The following SCN4A variants were observed in gnomAD, a reference collection of about 807,000 sequenced individuals.
The protein encoded by SCN4A is sodium voltage-gated channel alpha subunit 4.
In SCN4A, 83 loss-of-function variants were observed where a neutral mutation model predicts 162.0. That is an observed-to-expected ratio of 0.51 (90% confidence interval 0.43 to 0.61). The LOEUF is 0.61. Ranked by LOEUF, SCN4A falls within the 20% of genes least tolerant of loss-of-function variation. The probability of loss-of-function intolerance (pLI) is 0.00; values close to 1 mark genes in which losing one functional copy is unlikely to be tolerated. For missense variants in SCN4A, 2,196 were observed against 2,462.5 expected (o/e 0.89, Z 2.29); for synonymous variants, 944 against 985.1 (o/e 0.96, Z 0.78).
intron 12 of SCN4A, among the ~76,000 whole-genome samples, chr17:63,957,861 C>T (rs1439606970): frequency 2.6e-5 from 4 of 151,898 alleles, no homozygotes; most frequent in South Asian, 4.2e-4. Flanking sequence ...AAAAATTAGT[C>T]GGGCATGGTG....
Position 63,945,761 on chromosome 17 carries a change from G to C in SCN4A, c.3442-123C>G. The C allele has an allele frequency of 9.6e-7, 1 of 1,042,618 alleles. No homozygotes were observed. Among genetic ancestry groups the C allele is most frequent in the Non-Finnish European group, 1.4e-6 (1 of 694,946 alleles). 64.6% of individuals were successfully genotyped at this position (1,042,618 alleles called of 1,614,324 possible). ...TGTCAATTAGGGAGGGCTTCCTAGA[G>C]GAGGGCCGACCTGCTGGGCTGTGTG... On this transcript the variant is annotated intron_variant, in intron 18 of 23. Transcript: ENST00000435607. This position sits in a 1 kb window ranked among gnomAD's most constrained non-coding sequence, Gnocchi z 4.4.
rs79918078 is a variant in SCN4A at position 63,951,656 on chromosome 17, G to C, written c.2621C>G (p.Ala874Gly). 4 of 1,598,212 alleles carry C rather than the reference G, an allele frequency of 2.5e-6. No homozygotes were observed. In the African/African-American group the frequency reaches 5.4e-5, roughly 21 times the overall value. Residue 874 changes from alanine (A) to glycine (G), a missense_variant, in exon 14 of 24, where the codon GCC becomes GGC. Transcript: ENST00000435607. This position sits in a 1 kb window ranked among gnomAD's most constrained non-coding sequence, Gnocchi z 4.5. ...AGEAGEAGET[A>G]PEDEKKEPPE... ...CGGCTCCTTCTTCTCATCCTCGGGG[G>C]CAGTCTCCCCCGCCTCTCCAGCCTC...
chr17:63,971,139 G>A (rs1305509301), intron 5 of SCN4A, 23 bp downstream of exon 5: 12 of 1,501,844 alleles, frequency 8.0e-6, no homozygotes, highest in South Asian at 4.8e-5. Context: ...CTCAGGCAGA[G>A]GGTCCCTGCA....
chr17:63,971,793 G>A lies in SCN4A; in HGVS notation c.540C>T (p.Gly180=), dbSNP rs769199805. ...GGAATGTGAAGTCGTCGACACAGAA[G>A]CCTCGGGCCAGTATCTTGATGAGGG... ...FESLIKILAR[G]FCVDDFTFLR... The change falls in exon 4 of 24, where the codon GGC becomes GGT. Residue 180 remains glycine (G), a synonymous_variant. Coordinates refer to ENST00000435607, the MANE Select transcript of SCN4A (RefSeq NM_000334.4). The A allele has an allele frequency of 6.2e-7, 1 of 1,613,502 alleles. No individual in the cohort carries two copies. The highest frequency in any genetic ancestry group is 1.7e-5 in the Admixed American group (1 of 59,944).
intron 13 of SCN4A, among the ~76,000 whole-genome samples, chr17:63,954,134 C>T (rs188083256): frequency 1.5e-4 from 23 of 152,180 alleles, no homozygotes; most frequent in African/African-American, 2.2e-4. Context: ...GTCTCCTCGG[C>T]GGGTCTCACT....
chr17:63,959,521 G>T, intron 11 of SCN4A, 83 bp from the exon 12 acceptor site: 1 of 1,352,322 alleles, frequency 7.4e-7, no homozygotes, highest in Non-Finnish European at 1.0e-6. Flanking sequence ...CCACCTCCTG[G>T]CAGAGGCTGC....
intron 12 of SCN4A, among the ~76,000 whole-genome samples, chr17:63,958,761 C>T (rs1433970871): frequency 6.6e-6 from 1 of 152,256 alleles, no homozygotes. Flanking sequence ...CCATGTTGGC[C>T]AGGCTGGTCT....
chr17:63,966,350 A>C, intron 7 of SCN4A, 107 bp from the exon 8 acceptor site: 3 of 1,426,392 alleles, frequency 2.1e-6, no homozygotes, highest in Non-Finnish European at 2.9e-6. Context: ...GTGTCCCCCA[A>C]ACAGAAAAGT....
chr17:63,963,950 A>C, intron 9 of SCN4A, 125 bp from the exon 10 acceptor site: 5 of 980,578 alleles, frequency 5.1e-6, no homozygotes, highest in Non-Finnish European at 7.3e-6. Flanking sequence ...CCTGTGTCAA[A>C]CTTAGTGCAG....
chr17:63,944,804 C>T lies in SCN4A; in HGVS notation c.3781G>A (p.Glu1261Lys). 2 of 1,613,628 alleles carry T rather than the reference C, an allele frequency of 1.2e-6. No individual in the cohort carries two copies. The highest frequency in any genetic ancestry group is 1.3e-5 in the African/African-American group (1 of 75,048). ...YAAVDSREKE[E>K]QPQYEVNLYM... ...AGGTTCACCTCGTACTGCGGCTGCTCCTCCTTCTGTGGGAGCCACAGGGTG... is the reference window on the plus strand; with the variant it reads ...AGGTTCACCTCGTACTGCGGCTGCTTCTCCTTCTGTGGGAGCCACAGGGTG... The change falls in exon 21 of 24, where the codon GAG becomes AAG. Residue 1261 changes from glutamate (E) to lysine (K), a missense_variant. Physicochemically the swap from Glu to Lys is moderately conservative, Grantham distance 56. Transcript: ENST00000435607. The surrounding 1 kb of genome is among the most constrained non-coding windows in gnomAD (Gnocchi z 4.3).
Position 63,943,203 on chromosome 17 carries a change from CAGAGATGACAGAG to C in SCN4A, c.4018-120_4018-108del, listed in dbSNP as rs150461653. 269,676 of 934,164 alleles carry C rather than the reference CAGAGATGACAGAG, an allele frequency of 0.29. 19,911 individuals carry two copies. The highest frequency in any genetic ancestry group is 0.46 in the African/African-American group (26,089 of 57,102). The allele number at this position is 934,164 out of a possible 1,614,324, so 57.9% of individuals were successfully genotyped here. ...TGGCACCACAGCATGACAGAGATGACAGAGATGACAGAGAGAGAGAGAGAGAGAGAGAGAAAGG... is the reference window on the plus strand; with the variant it reads ...TGGCACCACAGCATGACAGAGATGACAGAGAGAGAGAGAGAGAGAGAAAGG... On this transcript the variant is annotated intron_variant, in intron 22 of 23. Coordinates refer to ENST00000435607, the MANE Select transcript of SCN4A (RefSeq NM_000334.4).
intron 6 of SCN4A, among the ~76,000 whole-genome samples, chr17:63,967,421 GGGATTACA>G (rs879942120): frequency 6.6e-6 from 1 of 152,044 alleles, no homozygotes; most frequent in Non-Finnish European, 1.5e-5. Context: ...CCAAAGTGCT[GGGATTACA>G]GGCGTGAGCC....
chr17:63,951,952 G>A lies in SCN4A; in HGVS notation c.2377-52C>T. 7 of 1,211,920 alleles carry A rather than the reference G, an allele frequency of 5.8e-6. No individual in the cohort carries two copies. Among genetic ancestry groups the A allele is most frequent in the African/African-American group, 1.5e-5 (1 of 66,084 alleles). 75.1% of individuals were successfully genotyped at this position (1,211,920 alleles called of 1,614,324 possible). On this transcript the variant is annotated intron_variant, in intron 13 of 23. Transcript: ENST00000435607. This position sits in a 1 kb window ranked among gnomAD's most constrained non-coding sequence, Gnocchi z 4.5. ...CACATCAGTCCCCGGGACCCAGAGG[G>A]TGCCACCTTCAGCCAGCACAGGGGT...
intron 13 of SCN4A, among the ~76,000 whole-genome samples, chr17:63,953,528 C>T (rs1363104925): frequency 6.8e-6 from 1 of 147,620 alleles, no homozygotes; most frequent in Non-Finnish European, 1.5e-5. Context: ...ACTAAAAATA[C>T]AAAAATTAGC....
In SCN4A at chr17:63,971,781, G is replaced by A. The variant is rs370730079; in HGVS notation, c.552C>T (p.Asp184=). 3.0e-5 allele frequency: 49 copies of A among 1,613,004 alleles called. No homozygotes were observed. In the East Asian group the frequency reaches 7.1e-4, roughly 23 times the overall value. ...AGGGGTCCCGGAGGAATGTGAAGTC[G>A]TCGACACAGAAGCCTCGGGCCAGTA... is the stretch of plus-strand genomic sequence containing the variant. ...IKILARGFCV[D]DFTFLRDPWN... Residue 184 remains aspartate (D), a synonymous_variant, in exon 4 of 24, where the codon GAC becomes GAT. Transcript: ENST00000435607.
intron 12 of SCN4A, among the ~76,000 whole-genome samples, chr17:63,958,015 AAAAAG>A (rs1909126021): frequency 6.8e-6 from 1 of 146,474 alleles, no homozygotes; most frequent in African/African-American, 2.7e-5. Flanking sequence ...AAAAAAAAAA[AAAAAG>A]AAAAAGAAAA....
Position 63,968,009 on chromosome 17 carries a change from C to T in SCN4A, c.1036+14G>A. The T allele has an allele frequency of 6.2e-7, 1 of 1,609,418 alleles. No individual in the cohort carries two copies. Among genetic ancestry groups the T allele is most frequent in the Non-Finnish European group, 8.5e-7 (1 of 1,175,992 alleles). ...GACAGGATCCCCCTTGCCCGTCACC[C>T]TCCCCATTCTTACCTTCATCACTGA... On this transcript the variant is annotated intron_variant, in intron 6 of 23. Transcript: ENST00000435607.
chr17:63,968,154 C>T lies in SCN4A; in HGVS notation c.905G>A (p.Gly302Asp). 1.9e-6 allele frequency: 3 copies of T among 1,613,928 alleles called. No individual in the cohort carries two copies. Among genetic ancestry groups the T allele is most frequent in the Non-Finnish European group, 2.5e-6 (3 of 1,179,886 alleles). The change falls in exon 6 of 24, where the codon GGC (glycine) becomes GAC (aspartate). Residue 302 changes from glycine (G) to aspartate (D), a missense_variant. Transcript: ENST00000435607. Reference sequence around the variant, plus strand: ...CTCATTGCCATACCATGTGTCATTGCCGTACCACGTGTCATTGCTGTACCA... The same window carrying T: ...CTCATTGCCATACCATGTGTCATTGTCGTACCACGTGTCATTGCTGTACCA... The part of the protein sequence containing the change: ...TTWYSNDTWY[G>D]NDTWYGNEMW...
chr17:63,957,335 A>C lies in SCN4A; in HGVS notation c.2203T>G (p.Leu735Val). The C allele has an allele frequency of 6.2e-7, 1 of 1,614,122 alleles. No individual in the cohort carries two copies. The highest frequency in any genetic ancestry group is 8.5e-7 in the Non-Finnish European group (1 of 1,179,962). ...TGCCAGCGCGGCAGGTTGCAGTCCAAGGCAATCTTGCACACGCACTCCTTG... is the reference window on the plus strand; with the variant it reads ...TGCCAGCGCGGCAGGTTGCAGTCCACGGCAATCTTGCACACGCACTCCTTG... ...SYKECVCKIALDCNLPRWHMH... is the reference protein window; with the variant it reads ...SYKECVCKIAVDCNLPRWHMH... Residue 735 changes from leucine to valine, a missense_variant, in exon 13 of 24, where the codon TTG becomes GTG. By Grantham distance (32) the Leu-to-Val change is conservative (BLOSUM62 1). Transcript: ENST00000435607.
Sources: gnomAD v4.1 joint callset for allele counts (sites outside exome capture counted in the v4.1 genomes callset) on GRCh38, gnomAD v4.1.1 for gene constraint, Gnocchi (gnomAD v3.1) non-coding constraint, MANE v1.5 for transcripts, NCBI Gene and HGNC (gene_info 2026-07-23, HGNC 2026-07-21) for gene names.